FRMD4B: variants seen among roughly 807,000 people sequenced by gnomAD.
FRMD4B encodes FERM domain-containing protein 4B.
FRMD4B carries 74 observed loss-of-function variants against 141.5 expected under a neutral mutation model. The ratio of observed to expected loss-of-function variants is 0.52; its 90% CI spans 0.43 to 0.63. FRMD4B has a LOEUF of 0.63. Ranked by LOEUF, FRMD4B falls within the 30% of genes least tolerant of loss-of-function variation. The pLI is 0.00. For synonymous variants in FRMD4B, 506 were observed against 467.9 expected (o/e 1.08, Z -1.05); for missense variants, 1,366 against 1,253.4 (o/e 1.09, Z -1.36).
intron 1 of FRMD4B, among the ~76,000 whole-genome samples, chr3:69,357,318 G>A (rs2008239): frequency 0.14 from 21,765 of 152,192 alleles, 1,953 homozygotes; most frequent in African/African-American, 0.24. Context: ...GCCTTCTGCC[G>A]TGCAGCCAGA....
intron 7 of FRMD4B, among the ~76,000 whole-genome samples, chr3:69,230,884 C>T (rs561462549): frequency 5.9e-5 from 9 of 152,312 alleles, no homozygotes; most frequent in African/African-American, 1.9e-4. Context: ...ACAATAGCTA[C>T]ACACATCATG....
chr3:69,322,756 C>T (rs541288166), intron 1 of FRMD4B, among the ~76,000 whole-genome samples: 6 of 152,230 alleles, frequency 3.9e-5, no homozygotes, highest in African/African-American at 1.4e-4. Context: ...GCCACCACAC[C>T]TGGCTAACTT....
intron 1 of FRMD4B, chr3:69,541,307 G>A (rs1387940039): frequency 6.6e-6 from 1 of 152,110 alleles, no homozygotes; most frequent in Non-Finnish European, 1.5e-5. Context: ...ACTTGGCTCT[G>A]GTATGTTTAC....
chr3:69,225,511 T>TA (rs1205210343), intron 7 of FRMD4B, among the ~76,000 whole-genome samples: 4 of 8,080 alleles, frequency 5.0e-4, no homozygotes, highest in South Asian at 4.2e-3. Flanking sequence ...CTGTATCTAC[T>TA]AAAAATACAA....
chr3:69,214,945 T>A (rs2093124853), intron 11 of FRMD4B, among the ~76,000 whole-genome samples: 1 of 152,038 alleles, frequency 6.6e-6, no homozygotes, highest in Non-Finnish European at 1.5e-5. Flanking sequence ...AGTGGCGTGA[T>A]CTCGGCTCAC....
chr3:69,175,126 T>C (rs1251287473), intron 22 of FRMD4B, among the ~76,000 whole-genome samples: 1 of 152,172 alleles, frequency 6.6e-6, no homozygotes, highest in Non-Finnish European at 1.5e-5. Flanking sequence ...ACAGTGAGTG[T>C]CTTAATAAGA....
At chr3:69,223,295 C>T (rs1333182645) in intron 8 of FRMD4B, among the ~76,000 whole-genome samples, 1 of 152,042 alleles carries the variant, frequency 6.6e-6, no homozygotes, top group African/African-American at 2.4e-5. Flanking sequence ...GCAGGCGGAT[C>T]ACGAGGTCAG....
At chr3:69,183,774 G>T (rs1034370371) in intron 19 of FRMD4B, among the ~76,000 whole-genome samples, 2 of 151,046 alleles carry the variant, frequency 1.3e-5, no homozygotes, top group African/African-American at 4.9e-5. Flanking sequence ...GAGCCACCGC[G>T]CCCAGCCTGA....
chr3:69,309,304 A>T (rs1203339780), intron 3 of FRMD4B, among the ~76,000 whole-genome samples: 31 of 136,770 alleles, frequency 2.3e-4, no homozygotes, highest in Non-Finnish European at 2.3e-4. Context: ...CTGATTTTTA[A>T]TTTTTTTTTT....
intron 1 of FRMD4B, among the ~76,000 whole-genome samples, chr3:69,350,351 T>G (rs1243635555): frequency 1.3e-5 from 2 of 152,086 alleles, no homozygotes; most frequent in African/African-American, 4.8e-5. Flanking sequence ...TGTGGAGAAA[T>G]AGGAACACTT....
At chr3:69,294,377 T>G (rs1356568572) in intron 4 of FRMD4B, among the ~76,000 whole-genome samples, 1 of 152,192 alleles carries the variant, frequency 6.6e-6, no homozygotes, top group South Asian at 2.1e-4. Context: ...GTAATTTAAG[T>G]GTATTTCACT....
intron 5 of FRMD4B, among the ~76,000 whole-genome samples, chr3:69,277,516 CTTTTTTTTTTT>C (rs55745266): frequency 1.5e-4 from 9 of 60,492 alleles, no homozygotes; most frequent in East Asian, 4.7e-4. Flanking sequence ...TTTCTTTCTG[CTTTTTTTTTTT>C]TTTTTTTTTT....
At chr3:69,362,717 A>AAG (rs1703506943) in intron 1 of FRMD4B, among the ~76,000 whole-genome samples, 1 of 144,858 alleles carries the variant, frequency 6.9e-6, no homozygotes, top group Non-Finnish European at 1.5e-5. Context: ...CCCCAAAAAA[A>AAG]CAAACAAAAA....
chr3:69,206,771 G>C (rs1040163543), intron 11 of FRMD4B, among the ~76,000 whole-genome samples: 1 of 152,114 alleles, frequency 6.6e-6, no homozygotes, highest in Non-Finnish European at 1.5e-5. Context: ...CTTGATGGCA[G>C]GGATTGTGGC....
intron 5 of FRMD4B, among the ~76,000 whole-genome samples, chr3:69,281,065 G>T (rs1295098953): frequency 2.0e-5 from 3 of 152,094 alleles, no homozygotes; most frequent in Non-Finnish European, 4.4e-5. Flanking sequence ...CAAGTAGCTG[G>T]GATTACAGCC....
intron 1 of FRMD4B, among the ~76,000 whole-genome samples, chr3:69,363,901 G>T (rs1033612744): frequency 4.6e-5 from 7 of 152,166 alleles, no homozygotes; most frequent in Non-Finnish European, 8.8e-5. Context: ...GAGACAATTT[G>T]GTGATCACCT....
rs1471014563 is a variant in FRMD4B at position 69,169,956 on chromosome 3, T to C, written c.*1905A>G. ...CCAAGATTAAAAAACCTAAAAGTTC[T>C]CACCAGTCATCCTCAGTGAGACAAA... On this transcript the variant is annotated 3_prime_UTR_variant, in exon 23 of 23. Transcript: ENST00000398540. The C allele has an allele frequency of 2.6e-5, 4 of 152,176 alleles. No homozygotes were observed. Among genetic ancestry groups the C allele is most frequent in the Non-Finnish European group, 5.9e-5 (4 of 68,036 alleles). The allele number at this position is 152,176 out of a possible 1,614,324, so 9.4% of individuals were successfully genotyped here. A position where few individuals can be genotyped will look rare whatever the true frequency, so the allele number is the denominator to read the frequency against.
At chr3:69,462,287 C>T (rs761597384) in intron 1 of FRMD4B, among the ~76,000 whole-genome samples, 8 of 152,124 alleles carry the variant, frequency 5.3e-5, no homozygotes, top group Non-Finnish European at 7.4e-5. Context: ...GCTAGGAGGC[C>T]GCAGTTTTAT....
intron 1 of FRMD4B, among the ~76,000 whole-genome samples, chr3:69,451,649 C>T (rs1705501038): frequency 6.6e-6 from 1 of 152,216 alleles, no homozygotes; most frequent in African/African-American, 2.4e-5. Flanking sequence ...GCTCAGCAAT[C>T]CTCTCATGCC....
Sources: allele counts gnomAD v4.1 joint callset (sites outside exome capture counted in the v4.1 genomes callset), GRCh38; gene constraint gnomAD v4.1.1; transcripts MANE v1.5; gene names NCBI Gene and HGNC (gene_info 2026-07-23, HGNC 2026-07-21).